Variants in COL24A1 observed in about 807,000 individuals in gnomAD.
COL24A1 encodes collagen type XXIV alpha 1 chain, also known as collagen alpha-1(XXIV) chain.
In COL24A1, 224 loss-of-function variants were observed where a neutral mutation model predicts 253.9. The observed-to-expected ratio is 0.88, with a 90% confidence interval of 0.79 to 0.99. The LOEUF (loss-of-function observed/expected upper bound fraction) is 0.99. Among genes scored for constraint, COL24A1 ranks in the 50% least tolerant of loss-of-function variants. COL24A1 has a pLI of 0.00. For missense variants in COL24A1, 2,131 were observed against 2,068.5 expected (o/e 1.03, Z -0.59); for synonymous variants, 685 against 673.7 (o/e 1.02, Z -0.26).
chr1:85,790,541 G>T, intron 47 of COL24A1, among the ~76,000 whole-genome samples: 1 of 150,958 alleles, frequency 6.6e-6, no homozygotes, highest in East Asian at 1.9e-4. Flanking sequence ...TTTGTGTCTT[G>T]GTAGAGATCT....
chr1:85,981,739 A>G (rs72714031), intron 20 of COL24A1, among the ~76,000 whole-genome samples: 18,543 of 152,234 alleles, frequency 0.12, 1,265 homozygotes, highest in South Asian at 0.23. Flanking sequence ...ATATTTTCAA[A>G]TCATGTATCT....
intron 37 of COL24A1, among the ~76,000 whole-genome samples, chr1:85,858,649 T>TTCCTTCCTTCCTTCCC (rs1678762498): frequency 6.7e-6 from 1 of 149,148 alleles, no homozygotes; most frequent in Non-Finnish European, 1.5e-5. Flanking sequence ...CCTTCCTTCC[T>TTCCTTCCTTCCTTCCC]TCCTTCCTTC....
intron 28 of COL24A1, among the ~76,000 whole-genome samples, chr1:85,897,389 C>T (rs934964448): frequency 2.0e-5 from 3 of 150,164 alleles, no homozygotes; most frequent in South Asian, 2.1e-4. Flanking sequence ...CTCCTGTACA[C>T]GTACCCCTGA....
At chr1:85,762,338 G>A (rs1280432474) in intron 53 of COL24A1, among the ~76,000 whole-genome samples, 10 of 152,112 alleles carry the variant, frequency 6.6e-5, no homozygotes, top group Non-Finnish European at 1.3e-4. Context: ...TGCCAAAGCT[G>A]TTAATCCTAA....
rs1680356849 is a variant in COL24A1 at position 85,870,663 on chromosome 1, C to A, written c.3139-1828G>T. ...TTTGAAACCAATGAGAACAAAGACA[C>A]AACACACCAGAATCTCTGGGACACA... On this transcript the variant is annotated intron_variant, in intron 35 of 59. Coordinates refer to ENST00000370571, the MANE Select transcript of COL24A1 (RefSeq NM_152890.7). Among the ~76,000 whole-genome samples the A allele has an allele frequency of 3.9e-5, 6 of 152,272 alleles. 1 individual carries two copies. The South Asian group carries it at 1.2e-3, about 32-fold the overall frequency.
Position 85,874,822 on chromosome 1 carries a change from G to C in COL24A1, c.3085-120C>G. The stretch of plus-strand genomic sequence containing the variant: ...GGGCCGTAGAGGGTACCTGTCCAAG[G>C]CCTGTTAGGAAATGGGCTGCAAAAC... On this transcript the variant is annotated intron_variant, in intron 34 of 59. Transcript: ENST00000370571. 4 of 1,059,810 alleles carry C rather than the reference G, an allele frequency of 3.8e-6. No individual in the cohort carries two copies. The South Asian group carries it at 6.6e-5, about 17-fold the overall frequency. 65.7% of individuals were successfully genotyped at this position (1,059,810 alleles called of 1,614,324 possible).
rs1166634995 is a variant in COL24A1, at chr1:85,940,403, C to CAAAAAAA, written c.2562+20839_2562+20845dup. Among the ~76,000 whole-genome samples, 2 of 2,024 alleles carry CAAAAAAA rather than the reference C, an allele frequency of 9.9e-4. 1 individual carries two copies. Among genetic ancestry groups the CAAAAAAA allele is most frequent in the Non-Finnish European group, 2.7e-3 (2 of 736 alleles). 1.3% of individuals were successfully genotyped at this position (2,024 alleles called of 152,430 possible). A position where few individuals can be genotyped will look rare whatever the true frequency, so the allele number is the denominator to read the frequency against. On this transcript the variant is annotated intron_variant, in intron 24 of 59. Transcript: ENST00000370571. The stretch of plus-strand genomic sequence containing the variant: ...TGGGCGACAGAGCGAGACTCCGTCT[C>CAAAAAAA]AAAAAAAAAAAAAAAAAAAAAAAAA...
chr1:85,999,869 A>G (rs1469511058), intron 19 of COL24A1, among the ~76,000 whole-genome samples: 1 of 152,166 alleles, frequency 6.6e-6, no homozygotes, highest in Non-Finnish European at 1.5e-5. Context: ...TCACAACACA[A>G]GAATTGCAAC....
chr1:86,045,082 C>T (rs764484268), intron 12 of COL24A1, among the ~76,000 whole-genome samples: 1 of 152,062 alleles, frequency 6.6e-6, no homozygotes, highest in African/African-American at 2.4e-5. Context: ...CTTATTCTCC[C>T]GGGTTCAAGT....
At chr1:86,082,620 T>C (rs1020179535) in intron 7 of COL24A1, among the ~76,000 whole-genome samples, 1 of 82,498 alleles carries the variant, frequency 1.2e-5, no homozygotes, top group African/African-American at 4.7e-5. Context: ...TATAATAATT[T>C]GTATATATTT....
At chr1:86,105,574 T>A (rs1184871281) in intron 5 of COL24A1, among the ~76,000 whole-genome samples, 1 of 152,068 alleles carries the variant, frequency 6.6e-6, no homozygotes, top group Non-Finnish European at 1.5e-5. Flanking sequence ...CCTGCAGAGT[T>A]TACATCTGGG....
chr1:85,861,712 T>C (rs1330800082), intron 37 of COL24A1, among the ~76,000 whole-genome samples: 1 of 152,180 alleles, frequency 6.6e-6, no homozygotes, highest in African/African-American at 2.4e-5. Context: ...TATTTTGTTC[T>C]TTTCCTGTAA....
At chr1:86,040,227 G>C (rs894174128) in intron 12 of COL24A1, among the ~76,000 whole-genome samples, 2 of 151,626 alleles carry the variant, frequency 1.3e-5, no homozygotes, top group Non-Finnish European at 2.9e-5. Flanking sequence ...TATAATCCCT[G>C]AGCCCAACCT....
intron 52 of COL24A1, 87 bp from the exon 53 acceptor site, chr1:85,775,796 C>G: frequency 8.7e-7 from 1 of 1,153,860 alleles, no homozygotes; most frequent in South Asian, 1.4e-5. Context: ...AGAAACATGA[C>G]AATTTATATT....
chr1:86,022,652 A>G, intron 16 of COL24A1, 61 bp from the exon 17 acceptor site: 1 of 1,508,958 alleles, frequency 6.6e-7, no homozygotes, highest in Non-Finnish European at 9.1e-7. Context: ...ATATTATAAG[A>G]AAGCAAATAT....
At position 85,882,383 on chromosome 1, in the gene COL24A1, C is replaced by T. The variant is rs867145092; in HGVS notation, c.2977-5208G>A. 6.8e-4 allele frequency among the ~76,000 whole-genome samples: 103 copies of T among 152,108 alleles called. 1 individual carries two copies. The highest frequency in any genetic ancestry group is 2.2e-3 in the African/African-American group (93 of 41,500). On this transcript the variant is annotated intron_variant, in intron 32 of 59. Transcript: ENST00000370571. ...GAGAGGCTGAGGAAGGAGAATGGCG[C>T]GAACCCGGGAGGCGGAGCTTGCAGT... is the stretch of plus-strand genomic sequence containing the variant.
Position 85,919,391 on chromosome 1 carries a change from G to C in COL24A1, c.2563-7958C>G, listed in dbSNP as rs1405164385. Among the ~76,000 whole-genome samples the C allele has an allele frequency of 1.3e-5, 2 of 152,138 alleles. 1 individual carries two copies. Among genetic ancestry groups the C allele is most frequent in the Non-Finnish European group, 2.9e-5 (2 of 68,020 alleles). On this transcript the variant is annotated intron_variant, in intron 24 of 59. Transcript: ENST00000370571. ...ATAGATGGAGCCACAAGAAAGAGGG[G>C]GCCTGGGCCAGGCATGGTGGCTCAT...
intron 43 of COL24A1, among the ~76,000 whole-genome samples, chr1:85,838,258 G>A (rs1041248313): frequency 6.6e-6 from 1 of 152,102 alleles, no homozygotes; most frequent in Non-Finnish European, 1.5e-5. Flanking sequence ...TTTAAAAAGT[G>A]ACAAGATAAT....
intron 51 of COL24A1, among the ~76,000 whole-genome samples, chr1:85,781,701 A>C (rs1374776235): frequency 1.3e-5 from 2 of 152,226 alleles, no homozygotes; most frequent in African/African-American, 4.8e-5. Context: ...GAGAAAAAGT[A>C]CAGTAAGGAA....
Sources: allele counts gnomAD v4.1 joint callset (sites outside exome capture counted in the v4.1 genomes callset), GRCh38; gene constraint gnomAD v4.1.1; transcripts MANE v1.5; gene names NCBI Gene and HGNC (gene_info 2026-07-23, HGNC 2026-07-21).